The following GPHN variants were observed in gnomAD, a reference collection of about 807,000 sequenced individuals.
GPHN encodes the protein gephyrin.
Under a neutral mutation model 95.5 loss-of-function variants are expected in GPHN, and 17 were observed. The ratio of observed to expected loss-of-function variants is 0.18; its 90% CI spans 0.12 to 0.27. The LOEUF (loss-of-function observed/expected upper bound fraction) is 0.27. Ranked by LOEUF, GPHN falls within the 10% of genes least tolerant of loss-of-function variation. The pLI is 1.00. For missense variants in GPHN, 660 were observed against 978.1 expected (o/e 0.67, Z 4.34); for synonymous variants, 320 against 322.5 (o/e 0.99, Z 0.08).
the GPHN span, chr14:67,562,862 C>T: frequency 6.2e-7 from 1 of 1,613,198 alleles, no homozygotes; most frequent in Non-Finnish European, 8.5e-7. Flanking sequence ...TAACAAGCCA[C>T]CTACACCCCC....
chr14:66,640,739 T>A (rs1310421581), intron 1 of GPHN, among the ~76,000 whole-genome samples: 1 of 152,156 alleles, frequency 6.6e-6, no homozygotes. Flanking sequence ...CCAAGTAGAA[T>A]GGAGTAGCTG....
At chr14:67,165,273 A>G in intron 20 of GPHN, 47 bp downstream of exon 20, 1 of 1,383,816 alleles carries the variant, frequency 7.2e-7, no homozygotes, top group Non-Finnish European at 1.0e-6. Context: ...AAAAATAGCC[A>G]AAATTTTTTG....
intron 1 of GPHN, among the ~76,000 whole-genome samples, chr14:66,663,619 A>G (rs2065782775): frequency 6.6e-6 from 1 of 152,188 alleles, no homozygotes; most frequent in Non-Finnish European, 1.5e-5. Context: ...GACAGGATCA[A>G]ATCTGCACAT....
intron 2 of GPHN, among the ~76,000 whole-genome samples, chr14:66,721,338 A>T (rs1373320002): frequency 6.6e-6 from 1 of 152,226 alleles, no homozygotes; most frequent in African/African-American, 2.4e-5. Flanking sequence ...TGCTGTGGCT[A>T]ATGATATTTT....
At chr14:66,928,089 C>T (rs927673964) in intron 8 of GPHN, among the ~76,000 whole-genome samples, 1 of 152,070 alleles carries the variant, frequency 6.6e-6, no homozygotes, top group Admixed American at 6.6e-5. Context: ...CTCTATTTTT[C>T]AGAATAGTTT....
chr14:66,847,255 C>A (rs1472426709), intron 4 of GPHN, among the ~76,000 whole-genome samples: 1 of 152,060 alleles, frequency 6.6e-6, no homozygotes, highest in Non-Finnish European at 1.5e-5. Flanking sequence ...AGCTTGTTTT[C>A]TTAGCAATAA....
the GPHN span, among the ~76,000 whole-genome samples, chr14:67,398,944 C>A: frequency 6.6e-6 from 1 of 152,242 alleles, no homozygotes; most frequent in African/African-American, 2.4e-5. Flanking sequence ...TATGTGGATA[C>A]ATAGTTTACT....
the GPHN span, among the ~76,000 whole-genome samples, chr14:67,450,895 T>C: frequency 1.3e-5 from 2 of 152,038 alleles, no homozygotes; most frequent in Non-Finnish European, 2.9e-5. Flanking sequence ...ATGTCAGAGG[T>C]CTTCATGGCA....
intron 3 of GPHN, among the ~76,000 whole-genome samples, chr14:66,811,372 T>A (rs549992708): frequency 1.3e-5 from 2 of 152,320 alleles, no homozygotes; most frequent in South Asian, 4.1e-4. Flanking sequence ...TTTTTATGTA[T>A]GAAAATATTT....
the GPHN span, among the ~76,000 whole-genome samples, chr14:67,344,540 A>G: frequency 6.6e-6 from 1 of 152,276 alleles, no homozygotes; most frequent in East Asian, 1.9e-4. Context: ...GTTTATTTAC[A>G]TTTACATTTA....
chr14:67,249,944 T>G, the GPHN span, among the ~76,000 whole-genome samples: 1 of 152,234 alleles, frequency 6.6e-6, no homozygotes, highest in Non-Finnish European at 1.5e-5. Flanking sequence ...GTATCCATAT[T>G]TAGATACTCA....
the GPHN span, among the ~76,000 whole-genome samples, chr14:67,631,358 T>A: frequency 3.3e-5 from 5 of 152,154 alleles, no homozygotes; most frequent in Non-Finnish European, 5.9e-5. Context: ...ACCACTAATC[T>A]TTCTTTATTG....
the GPHN span, chr14:67,302,076 T>C: frequency 6.2e-7 from 1 of 1,608,602 alleles, no homozygotes; most frequent in Non-Finnish European, 8.5e-7. Flanking sequence ...GAGGAGAAAC[T>C]GTAAAAATAG....
At chr14:66,690,330 C>G (rs2067688004) in intron 2 of GPHN, among the ~76,000 whole-genome samples, 1 of 152,032 alleles carries the variant, frequency 6.6e-6, no homozygotes, top group Admixed American at 6.6e-5. Context: ...TCCCTATATT[C>G]TCACAGTTTC....
At chr14:67,321,098 G>A in the GPHN span, 1 of 1,614,146 alleles carries the variant, frequency 6.2e-7, no homozygotes, top group Non-Finnish European at 8.5e-7. Context: ...AGCCGGTAGA[G>A]ATTACCACTT....
chr14:66,682,440 T>G (rs570059416), intron 2 of GPHN, among the ~76,000 whole-genome samples: 61 of 152,192 alleles, frequency 4.0e-4, no homozygotes, highest in Admixed American at 1.0e-3. Flanking sequence ...CAAAAGACTT[T>G]GCTTATTTGA....
At chr14:67,254,955 C>T in the GPHN span, among the ~76,000 whole-genome samples, 2 of 152,182 alleles carry the variant, frequency 1.3e-5, no homozygotes, top group African/African-American at 4.8e-5. Context: ...TTGAGACCAT[C>T]CTAGCCAACA....
At chr14:67,366,836 GA>G in the GPHN span, among the ~76,000 whole-genome samples, 1 of 152,186 alleles carries the variant, frequency 6.6e-6, no homozygotes, top group African/African-American at 2.4e-5. Flanking sequence ...ACACTTATAA[GA>G]AAGGGTATGT....
chr14:66,780,409 C>T (rs1221442661), intron 3 of GPHN, among the ~76,000 whole-genome samples: 1 of 152,020 alleles, frequency 6.6e-6, no homozygotes, highest in Non-Finnish European at 1.5e-5. Context: ...AAGATGTAAC[C>T]TTAAGGAAGA....
Sources: allele counts gnomAD v4.1 joint callset (sites outside exome capture counted in the v4.1 genomes callset), GRCh38; gene constraint gnomAD v4.1.1; transcripts MANE v1.5; gene names NCBI Gene and HGNC (gene_info 2026-07-23, HGNC 2026-07-21).